Variants in RNF38 observed in about 807,000 individuals in gnomAD.
The protein encoded by RNF38 is ring finger protein 38, also known as E3 ubiquitin-protein ligase RNF38.
In RNF38, 15 loss-of-function variants were observed where a neutral mutation model predicts 67.2. The ratio of observed to expected loss-of-function variants is 0.22; its 90% CI spans 0.15 to 0.34. The LOEUF (loss-of-function observed/expected upper bound fraction) is 0.34, where lower values mean the gene tolerates loss of function less well. Ranked by LOEUF, RNF38 falls within the 10% of genes least tolerant of loss-of-function variation. The probability of loss-of-function intolerance (pLI) is 1.00; values close to 1 mark genes in which losing one functional copy is unlikely to be tolerated. For missense variants in RNF38, 524 were observed against 639.9 expected (o/e 0.82, Z 1.95); for synonymous variants, 220 against 218.8 (o/e 1.01, Z -0.05).
intron 2 of RNF38, among the ~76,000 whole-genome samples, chr9:36,389,324 G>A (rs1587585795): frequency 6.8e-6 from 1 of 147,632 alleles, no homozygotes; most frequent in East Asian, 2.0e-4. Context: ...AAACACAAAG[G>A]GAGTATGGAG....
At chr9:36,356,008 G>A (rs1015211429) in intron 6 of RNF38, among the ~76,000 whole-genome samples, 3 of 151,898 alleles carry the variant, frequency 2.0e-5, no homozygotes, top group African/African-American at 4.8e-5. Flanking sequence ...CACAATGCCC[G>A]GCTAATTTTT....
intron 1 of RNF38, among the ~76,000 whole-genome samples, chr9:36,482,212 C>T (rs551418893): frequency 6.6e-6 from 1 of 151,686 alleles, no homozygotes; most frequent in Non-Finnish European, 1.5e-5. Flanking sequence ...TGCCACCACG[C>T]CTGGCTAATT....
At chr9:36,399,224 C>T (rs1837792450) in intron 1 of RNF38, among the ~76,000 whole-genome samples, 1 of 152,062 alleles carries the variant, frequency 6.6e-6, no homozygotes. Context: ...TATGGAAATA[C>T]GAACTACCTT....
At chr9:36,358,388 T>G (rs943182813) in intron 4 of RNF38, among the ~76,000 whole-genome samples, 2 of 152,266 alleles carry the variant, frequency 1.3e-5, no homozygotes, top group Non-Finnish European at 2.9e-5. Flanking sequence ...ATTCCCATCC[T>G]ACCTGCCACC....
At chr9:36,410,868 G>C (rs1241787009) in intron 2 of RNF38, among the ~76,000 whole-genome samples, 1 of 152,186 alleles carries the variant, frequency 6.6e-6, no homozygotes, top group Non-Finnish European at 1.5e-5. Context: ...TTGTTTCCCA[G>C]GGGCTGGAGG....
chr9:36,344,387 A>T (rs533007555), intron 10 of RNF38, among the ~76,000 whole-genome samples: 41 of 152,314 alleles, frequency 2.7e-4, no homozygotes, highest in African/African-American at 9.6e-4. Context: ...TTTTTAAAAG[A>T]TCCCATATTA....
At chr9:36,462,980 CT>C (rs112977096) in intron 1 of RNF38, among the ~76,000 whole-genome samples, 2,887 of 144,600 alleles carry the variant, frequency 0.02, 102 homozygotes, top group Admixed American at 0.096. Flanking sequence ...CCCTGATTTA[CT>C]TTTTTTTTTT....
At chr9:36,452,608 G>T (rs899133746) in intron 1 of RNF38, among the ~76,000 whole-genome samples, 4 of 150,788 alleles carry the variant, frequency 2.7e-5, no homozygotes, top group African/African-American at 9.8e-5. Flanking sequence ...ATCTCAGCTC[G>T]CTGCAACCTC....
chr9:36,364,500 C>G (rs147961734), intron 4 of RNF38, among the ~76,000 whole-genome samples: 1 of 152,204 alleles, frequency 6.6e-6, no homozygotes, highest in East Asian at 1.9e-4. Context: ...TATAAACTTA[C>G]GAGACCACTG....
intron 1 of RNF38, among the ~76,000 whole-genome samples, chr9:36,430,677 G>A (rs1448671519): frequency 6.6e-6 from 1 of 152,128 alleles, no homozygotes; most frequent in Non-Finnish European, 1.5e-5. Flanking sequence ...GGCTAGTAGT[G>A]AAAGGACTGG....
intron 1 of RNF38, among the ~76,000 whole-genome samples, chr9:36,453,381 A>ATTTTT (rs571598885): frequency 7.4e-6 from 1 of 135,786 alleles, no homozygotes; most frequent in Non-Finnish European, 1.6e-5. Context: ...TGTTCAGGTA[A>ATTTTT]TTTTTTTTTT....
intron 9 of RNF38, among the ~76,000 whole-genome samples, chr9:36,346,952 T>C (rs1250160283): frequency 6.6e-6 from 1 of 151,942 alleles, no homozygotes; most frequent in East Asian, 1.9e-4. Flanking sequence ...ACCCCGTCTC[T>C]ACTAAAATTA....
intron 4 of RNF38, among the ~76,000 whole-genome samples, chr9:36,368,304 G>A (rs984982841): frequency 6.8e-6 from 1 of 147,256 alleles, no homozygotes; most frequent in Non-Finnish European, 1.5e-5. Flanking sequence ...GACTCAACAC[G>A]TAACACTACT....
In RNF38 at chr9:36,487,331, G is replaced by A. The variant is rs1393746141; in HGVS notation, n.218C>T. 4 of 985,174 alleles carry A rather than the reference G, an allele frequency of 4.1e-6. No individual in the cohort carries two copies. In the African/African-American group the frequency reaches 7.0e-5, roughly 17 times the overall value. 61.0% of individuals were successfully genotyped at this position (985,174 alleles called of 1,614,324 possible). On this transcript the variant is annotated non_coding_transcript_exon_variant, in exon 1 of 4. Coordinates refer to the RNF38 transcript ENST00000488058. ...ACCTGCTCCCGGCGCTCGGCCGCAG[G>A]CGCCGCCACCCTGGGCTCCCGCCCG...
chr9:36,358,872 G>A (rs566157905), intron 4 of RNF38, among the ~76,000 whole-genome samples: 1 of 152,298 alleles, frequency 6.6e-6, no homozygotes, highest in African/African-American at 2.4e-5. Context: ...TTAGCTGGGA[G>A]TGGTGGCGGG....
Position 36,399,128 on chromosome 9 carries a change from T to C in RNF38, c.12+969A>G, listed in dbSNP as rs1477962865. ...TTCATCAAAAATTAGGTTATTTTAG[T>C]AGAGAAAATTCTCCTCAATATTCAC... On this transcript the variant is annotated intron_variant, in intron 1 of 11. Transcript: ENST00000259605. Among the ~76,000 whole-genome samples, 3 of 152,236 alleles carry C rather than the reference T, an allele frequency of 2.0e-5. 1 individual carries two copies. Among genetic ancestry groups the C allele is most frequent in the African/African-American group, 7.2e-5 (3 of 41,450 alleles).
chr9:36,447,182 A>C (rs1839327559), intron 1 of RNF38, among the ~76,000 whole-genome samples: 1 of 152,068 alleles, frequency 6.6e-6, no homozygotes. Context: ...GTGTGGCCAA[A>C]AATTTTGAGT....
rs1833829935 is a variant in RNF38 at position 36,353,174 on chromosome 9, C to T, written c.1067G>A (p.Gly356Glu). ...HDPLHQEVSF[G>E]VPYPPFMPRR... ...TAGTACTCTGTGAAAACTTACTACT[C>T]CAAAGGACACCTCCTGATGCAAAGG... Residue 356 changes from glycine to glutamate, a missense_variant, in exon 7 of 12, where the codon GGA (glycine) becomes GAA (glutamate). By Grantham distance (98) the Gly-to-Glu change is moderately conservative. This residue lies in a region of RNF38 where 461 missense variants were observed against 517.4 expected (regional missense o/e 0.89). Transcript: ENST00000259605. The T allele has an allele frequency of 6.2e-6, 10 of 1,613,814 alleles. No individual in the cohort carries two copies. Among genetic ancestry groups the T allele is most frequent in the Non-Finnish European group, 6.8e-6 (8 of 1,179,856 alleles).
intron 9 of RNF38, among the ~76,000 whole-genome samples, chr9:36,347,375 C>A (rs1419069575): frequency 6.6e-6 from 1 of 152,040 alleles, no homozygotes; most frequent in African/African-American, 2.4e-5. Context: ...AAAACAAAAA[C>A]AAAAAATTGA....
Sources: gnomAD v4.1 joint callset for allele counts (sites outside exome capture counted in the v4.1 genomes callset) on GRCh38, gnomAD v4.1.1 for gene constraint, gnomAD v4.1.1 regional missense constraint, MANE v1.5 for transcripts, NCBI Gene and HGNC (gene_info 2026-07-23, HGNC 2026-07-21) for gene names.